Variants in KAZALD1 observed in about 807,000 individuals in gnomAD.
KAZALD1 encodes the protein kazal-type serine protease inhibitor domain-containing protein 1.
KAZALD1 carries 31 observed loss-of-function variants against 27.7 expected under a neutral mutation model. That is an observed-to-expected ratio of 1.12 (90% CI 0.84 to 1.51). The LOEUF (loss-of-function observed/expected upper bound fraction) is 1.51, where lower values mean the gene tolerates loss of function less well. KAZALD1 is among the 40% of genes most tolerant of loss of function. The pLI, the probability that KAZALD1 is intolerant of heterozygous loss-of-function variation, is 0.00. For synonymous variants in KAZALD1, 179 were observed against 182.0 expected (o/e 0.98, Z 0.13); for missense variants, 444 against 408.9 (o/e 1.09, Z -0.74).
chr10:101,067,649 C>A, downstream of KAZALD1: 1 of 336,664 alleles, frequency 3.0e-6, no homozygotes, highest in Non-Finnish European at 5.9e-6. Context: ...CCCGGCTGCT[C>A]GTCACCGCGA....
chr10:101,067,327 C>T (rs764381492), downstream of KAZALD1: 15 of 456,536 alleles, frequency 3.3e-5, no homozygotes, highest in South Asian at 2.3e-4. Flanking sequence ...GGCTCAGTCG[C>T]ACCCTACATT....
At position 101,065,819 on chromosome 10, in the gene KAZALD1, T is replaced by TA. The variant is rs1256117623; in HGVS notation, c.*900dup. Among the ~76,000 whole-genome samples, 3 of 152,270 alleles carry TA rather than the reference T, an allele frequency of 2.0e-5. No homozygotes were observed. Among genetic ancestry groups the TA allele is most frequent in the African/African-American group, 7.2e-5 (3 of 41,468 alleles). On this transcript the variant is annotated 3_prime_UTR_variant, in exon 5 of 5. Transcript: ENST00000370200. ...CCCGTCTGCCCTCCATTGGGGCTGA[T>TA]ATACATTATCTGCTTCTTTGCTCAT... is the stretch of plus-strand genomic sequence containing the variant.
chr10:101,067,625 G>A (rs1396495826), downstream of KAZALD1: 3 of 339,064 alleles, frequency 8.8e-6, no homozygotes, highest in African/African-American at 4.3e-5. Context: ...GTCGTGAGGA[G>A]GAGGGCCGCT....
chr10:101,062,817 G>T lies in KAZALD1; in HGVS notation c.225G>T (p.Ala75=). 6.3e-7 allele frequency: 1 copy of T among 1,585,500 alleles called. No homozygotes were observed. The highest frequency in any genetic ancestry group is 8.5e-7 in the Non-Finnish European group (1 of 1,172,166). Residue 75 remains alanine, a synonymous_variant, in exon 2 of 5, where the codon GCG becomes GCT. Transcript: ENST00000370200. The part of the protein sequence containing the change: ...RGCLAGRVRD[A]CGCCWECANL... ...GCCTGGCGGGCAGGGTGCGCGACGCGTGCGGCTGCTGCTGGGAATGCGCCA... is the reference window on the plus strand; with the variant it reads ...GCCTGGCGGGCAGGGTGCGCGACGCTTGCGGCTGCTGCTGGGAATGCGCCA...
At chr10:101,063,167 C>T (rs1939215519) in intron 2 of KAZALD1, 64 bp downstream of exon 2, 1 of 1,371,924 alleles carries the variant, frequency 7.3e-7, no homozygotes, top group South Asian at 1.4e-5. Flanking sequence ...CTCCCCGACC[C>T]CTGACAGCAT....
chr10:101,064,953 C>G lies in KAZALD1; in HGVS notation c.*33C>G. 1 of 1,489,662 alleles carries G rather than the reference C, an allele frequency of 6.7e-7. No homozygotes were observed. Among genetic ancestry groups the G allele is most frequent in the Non-Finnish European group, 9.4e-7 (1 of 1,067,568 alleles). 92.3% of individuals were successfully genotyped at this position (1,489,662 alleles called of 1,614,324 possible). On this transcript the variant is annotated 3_prime_UTR_variant, in exon 5 of 5. Transcript: ENST00000370200. ...GCTCTGGCCCATGGGGGTGGGTGAG[C>G]GGCTATAGTGTTCATCCCTGCTCTT... is the stretch of plus-strand genomic sequence containing the variant.
At position 101,065,129 on chromosome 10, in the gene KAZALD1, C is replaced by G; in HGVS notation, c.*209C>G. 1 of 566,696 alleles carries G rather than the reference C, an allele frequency of 1.8e-6. No homozygotes were observed. Among genetic ancestry groups the G allele is most frequent in the South Asian group, 2.0e-5 (1 of 49,522 alleles). The allele number at this position is 566,696 out of a possible 1,614,324, so 35.1% of individuals were successfully genotyped here. A position where few individuals can be genotyped will look rare whatever the true frequency, so the allele number is the denominator to read the frequency against. On this transcript the variant is annotated 3_prime_UTR_variant, in exon 5 of 5. Coordinates refer to ENST00000370200, the MANE Select transcript of KAZALD1 (RefSeq NM_030929.5). Reference sequence around the variant, plus strand: ...GGAGGGTAGGGAGAGAAGCTGAGACCAGGACCGGTGGGGTACAAAGGGGCC... The same window carrying G: ...GGAGGGTAGGGAGAGAAGCTGAGACGAGGACCGGTGGGGTACAAAGGGGCC...
chr10:101,065,949 C>T lies in KAZALD1; in HGVS notation c.*1029C>T, dbSNP rs1939308734. Among the ~76,000 whole-genome samples, 1 of 152,210 alleles carries T rather than the reference C, an allele frequency of 6.6e-6. No individual in the cohort carries two copies. Among genetic ancestry groups the T allele is most frequent in the Middle Eastern group, 3.2e-3 (1 of 316 alleles). ...ATAGAGGAGGGTGGAAGTTTGGTCA[C>T]CTGTGTGGTCCATACCCTTCCCCAG... is the stretch of plus-strand genomic sequence containing the variant. On this transcript the variant is annotated 3_prime_UTR_variant, in exon 5 of 5. Transcript: ENST00000370200.
At chr10:101,067,914 G>C (rs1469917829), downstream of KAZALD1, 1 of 471,490 alleles carries the variant, frequency 2.1e-6, no homozygotes, top group Admixed American at 2.3e-5. Context: ...GGGATGGCGC[G>C]GGCGGTGGCG....
chr10:101,064,426 A>G lies in KAZALD1; in HGVS notation c.672+5A>G, dbSNP rs1288264728. ...GACCCCCACATCTCTGTGCAGGTAGACTGGTGGGAGAGGCTTCCCTCAGGC... is the reference window on the plus strand; with the variant it reads ...GACCCCCACATCTCTGTGCAGGTAGGCTGGTGGGAGAGGCTTCCCTCAGGC... On this transcript the variant is annotated splice_donor_5th_base_variant and intron_variant, in intron 3 of 4. Coordinates refer to ENST00000370200, the MANE Select transcript of KAZALD1 (RefSeq NM_030929.5). The G allele has an allele frequency of 6.2e-7, 1 of 1,614,140 alleles. No individual in the cohort carries two copies. The highest frequency in any genetic ancestry group is 8.5e-7 in the Non-Finnish European group (1 of 1,180,026).
chr10:101,067,882 C>T (rs561446144), downstream of KAZALD1: 18 of 469,880 alleles, frequency 3.8e-5, no homozygotes, highest in African/African-American at 6.0e-5. Flanking sequence ...AGGACACCCT[C>T]ACCACGCTGG....
rs1054708077 is a variant in KAZALD1 at position 101,064,840 on chromosome 10, A to G, written c.835A>G (p.Thr279Ala). Residue 279 changes from threonine to alanine, a missense_variant, in exon 5 of 5, where the codon ACA (threonine) becomes GCA (alanine). Coordinates refer to ENST00000370200, the MANE Select transcript of KAZALD1 (RefSeq NM_030929.5). ...TGTGTTTGCAGACCAGCTGAACTCTACAGGCATCCCCCAGCTGCGATCACT... is the reference window on the plus strand; with the variant it reads ...TGTGTTTGCAGACCAGCTGAACTCTGCAGGCATCCCCCAGCTGCGATCACT... Reference protein sequence around the residue: ...TVLTPDQLNSTGIPQLRSLNL... With the variant: ...TVLTPDQLNSAGIPQLRSLNL... The G allele has an allele frequency of 1.9e-6, 3 of 1,614,098 alleles. No homozygotes were observed. Among genetic ancestry groups the G allele is most frequent in the Non-Finnish European group, 2.5e-6 (3 of 1,179,982 alleles).
intron 4 of KAZALD1, 39 bp downstream of exon 4, chr10:101,064,687 T>G: frequency 1.2e-6 from 2 of 1,612,112 alleles, no homozygotes; most frequent in Non-Finnish European, 1.7e-6. Flanking sequence ...GGGGGGATGG[T>G]GCTGGATTCC....
At chr10:101,064,227 A>G in intron 2 of KAZALD1, 34 bp from the exon 3 acceptor site, 4 of 1,612,476 alleles carry the variant, frequency 2.5e-6, no homozygotes, top group Admixed American at 1.7e-5. Flanking sequence ...TTGCTGGGCC[A>G]TGCTATTCTC....
intron 2 of KAZALD1, 44 bp from the exon 3 acceptor site, chr10:101,064,217 T>G: frequency 6.2e-7 from 1 of 1,609,680 alleles, no homozygotes; most frequent in Non-Finnish European, 8.5e-7. Context: ...CTGGATGCCT[T>G]TGCTGGGCCA....
At chr10:101,064,148 T>G in intron 2 of KAZALD1, 113 bp from the exon 3 acceptor site, 1 of 1,037,826 alleles carries the variant, frequency 9.6e-7, no homozygotes, top group Non-Finnish European at 1.4e-6. Flanking sequence ...TACCTCAGCA[T>G]ATATTGTGTT....
chr10:101,064,034 G>C (rs115049881), intron 2 of KAZALD1, among the ~76,000 whole-genome samples: 1 of 152,212 alleles, frequency 6.6e-6, no homozygotes, highest in African/African-American at 2.4e-5. Flanking sequence ...ATGTGCACAT[G>C]TGCATGTATA....
At position 101,064,591 on chromosome 10, in the gene KAZALD1, G is replaced by T. The variant is rs1187121553; in HGVS notation, c.763G>T (p.Gly255Cys). 3.1e-6 allele frequency: 5 copies of T among 1,613,936 alleles called. No homozygotes were observed. Among genetic ancestry groups the T allele is most frequent in the Non-Finnish European group, 8.5e-7 (1 of 1,180,036 alleles). ...TGATGAGGGCACTTACCGCTGCCTT[G>T]GCCGCAATGCCCTGGGTCAAGTGGA... ...PSDEGTYRCLGRNALGQVEAP... is the reference protein window; with the variant it reads ...PSDEGTYRCLCRNALGQVEAP... Residue 255 changes from glycine (G) to cysteine (C), a missense_variant, in exon 4 of 5, where the codon GGC (glycine) becomes TGC (cysteine). By Grantham distance (159) the Gly-to-Cys change is radical. Transcript: ENST00000370200.
chr10:101,063,220 C>G (rs1431865629), intron 2 of KAZALD1, 117 bp downstream of exon 2: 2 of 888,466 alleles, frequency 2.3e-6, no homozygotes, highest in Non-Finnish European at 3.3e-6. Flanking sequence ...GCTATAGAGG[C>G]CTCGAGTCCA....
Sources: gnomAD v4.1 joint callset for allele counts (sites outside exome capture counted in the v4.1 genomes callset) on GRCh38, gnomAD v4.1.1 for gene constraint, MANE v1.5 for transcripts, NCBI Gene and HGNC (gene_info 2026-07-23, HGNC 2026-07-21) for gene names.